The following PTCD1 variants were observed in gnomAD, a reference collection of about 807,000 sequenced individuals.
PTCD1 encodes the protein pentatricopeptide repeat-containing protein 1, mitochondrial.
PTCD1 carries 50 observed loss-of-function variants against 53.4 expected under a neutral mutation model. The observed-to-expected ratio is 0.94, with a 90% CI of 0.75 to 1.19. The LOEUF is 1.19. PTCD1 is among the 50% of genes most tolerant of loss of function. The pLI, the probability that PTCD1 is intolerant of heterozygous loss-of-function variation, is 0.00. For synonymous variants in PTCD1, 413 were observed against 394.8 expected (o/e 1.05, Z -0.55); for missense variants, 918 against 904.8 (o/e 1.01, Z -0.19).
intron 5 of PTCD1, among the ~76,000 whole-genome samples, chr7:99,427,913 C>T (rs1796117340): frequency 6.6e-6 from 1 of 151,082 alleles, no homozygotes; most frequent in African/African-American, 2.5e-5. Context: ...GCAGCATGCT[C>T]CTTAAGAGTC....
chr7:99,427,213 G>A (rs1393637066), intron 5 of PTCD1, among the ~76,000 whole-genome samples: 37 of 147,044 alleles, frequency 2.5e-4, no homozygotes, highest in Non-Finnish European at 5.1e-4. Flanking sequence ...CAGCCGCCCC[G>A]TCCGGGAGGT....
intron 1 of PTCD1, among the ~76,000 whole-genome samples, chr7:99,436,476 G>T (rs548818895): frequency 2.0e-5 from 3 of 152,280 alleles, no homozygotes; most frequent in East Asian, 3.9e-4. Context: ...TTAGCTGGGC[G>T]TGACAGCGTG....
chr7:99,423,199 C>T (rs1795894502), intron 7 of PTCD1, among the ~76,000 whole-genome samples: 1 of 152,050 alleles, frequency 6.6e-6, no homozygotes, highest in African/African-American at 2.4e-5. Flanking sequence ...TCACTGCCTG[C>T]CCAGTCCCTG....
At chr7:99,429,487 C>T (rs1796178043) in intron 4 of PTCD1, 101 bp downstream of exon 4, 5 of 1,554,702 alleles carry the variant, frequency 3.2e-6, no homozygotes, top group Middle Eastern at 1.8e-4. Flanking sequence ...TCTCATCCTC[C>T]CTAAGCCTTC....
chr7:99,432,586 G>C (rs1002321191), intron 3 of PTCD1, among the ~76,000 whole-genome samples: 2 of 152,184 alleles, frequency 1.3e-5, no homozygotes, highest in Admixed American at 6.5e-5. Flanking sequence ...CAGTGCCTGC[G>C]CAGCGCAGGT....
chr7:99,425,518 C>A lies in PTCD1; in HGVS notation c.1014G>T (p.Gln338His). The A allele has an allele frequency of 6.2e-7, 1 of 1,612,378 alleles. No individual in the cohort carries two copies. The highest frequency in any genetic ancestry group is 8.5e-7 in the Non-Finnish European group (1 of 1,179,336). ...GCTTCAGAAGCAGCTCTGAGGCCAC[C>A]TGGGGGTCCCCTAGGCCACAGTCCC... is the stretch of plus-strand genomic sequence containing the variant. ...AARDCGLGDP[Q>H]VASELLLKPR... Residue 338 changes from glutamine (Q) to histidine (H), a missense_variant, in exon 6 of 8, where the codon CAG (glutamine) becomes CAT (histidine). Gln to His is a conservative substitution (Grantham distance 24). Coordinates refer to ENST00000292478, the MANE Select transcript of PTCD1 (RefSeq NM_015545.4).
chr7:99,424,918 C>T lies in PTCD1; in HGVS notation c.1614G>A (p.Gly538=). The change falls in exon 6 of 8, where the codon GGG becomes GGA. Residue 538 remains glycine (G), a synonymous_variant. Transcript: ENST00000292478. The stretch of plus-strand genomic sequence containing the variant: ...CCAGGACCGGCAACAGCGCCTTGGC[C>T]CCCTCCAGGTCTCCCAGCTTGCTCT... ...RKKSKLGDLE[G]AKALLPVLAK... The T allele has an allele frequency of 1.2e-6, 2 of 1,614,240 alleles. No homozygotes were observed. The highest frequency in any genetic ancestry group is 1.7e-6 in the Non-Finnish European group (2 of 1,180,040).
rs766125091 is a variant in PTCD1 at position 99,425,233 on chromosome 7, T to G, written c.1299A>C (p.Pro433=). 1 of 1,611,594 alleles carries G rather than the reference T, an allele frequency of 6.2e-7. No homozygotes were observed. The highest frequency in any genetic ancestry group is 8.5e-7 in the Non-Finnish European group (1 of 1,178,302). Residue 433 remains proline (P), a synonymous_variant, in exon 6 of 8, where the codon CCA becomes CCC. Transcript: ENST00000292478. The part of the protein sequence containing the change: ...TAALTAVALK[P]PPVELEVNLL... ...GGTTGACTTCCAGCTCCACGGGAGG[T>G]GGCTTCAGGGCCACTGCGGTGAGGG...
rs777645699 is a variant in PTCD1 at position 99,424,998 on chromosome 7, C to T, written c.1534G>A (p.Asp512Asn). ...PAESLLLALLDEHQVEADLTF... is the reference protein window; with the variant it reads ...PAESLLLALLNEHQVEADLTF... ...AGGTCGGCCTCTACCTGGTGCTCATCCAGGAGGGCCAGCAGCAAGGACTCT... is the reference window on the plus strand; with the variant it reads ...AGGTCGGCCTCTACCTGGTGCTCATTCAGGAGGGCCAGCAGCAAGGACTCT... Residue 512 changes from aspartate to asparagine, a missense_variant, in exon 6 of 8, where the codon GAT becomes AAT. Coordinates refer to ENST00000292478, the MANE Select transcript of PTCD1 (RefSeq NM_015545.4). The T allele has an allele frequency of 3.7e-6, 6 of 1,614,216 alleles. No homozygotes were observed. The highest frequency in any genetic ancestry group is 1.7e-5 in the Admixed American group (1 of 60,028).
Position 99,420,020 on chromosome 7 carries a change from C to A in PTCD1, c.2050G>T (p.Asp684Tyr), listed in dbSNP as rs374030308. 3 of 1,614,214 alleles carry A rather than the reference C, an allele frequency of 1.9e-6. No homozygotes were observed. The highest frequency in any genetic ancestry group is 2.2e-5 in the East Asian group (1 of 44,888). ...TCAGCCTCCTTGCCGGTGTCCTGGT[C>A]CCCCTGGGGCTTGGTCCGGAACTTC... is the stretch of plus-strand genomic sequence containing the variant. ...WQKFRTKPQG[D>Y]QDTGKEADDG... The change falls in exon 8 of 8, where the codon GAC becomes TAC. Residue 684 changes from aspartate to tyrosine, a missense_variant. Coordinates refer to ENST00000292478, the MANE Select transcript of PTCD1 (RefSeq NM_015545.4).
At chr7:99,434,308 T>C (rs1345371378) in intron 2 of PTCD1, among the ~76,000 whole-genome samples, 1 of 151,854 alleles carries the variant, frequency 6.6e-6, no homozygotes, top group Non-Finnish European at 1.5e-5. Context: ...TGGCCAGGTG[T>C]GGTGGCACAT....
chr7:99,434,850 G>A lies in PTCD1; in HGVS notation c.393C>T (p.Gly131=). 1 of 1,614,140 alleles carries A rather than the reference G, an allele frequency of 6.2e-7. No individual in the cohort carries two copies. The highest frequency in any genetic ancestry group is 8.5e-7 in the Non-Finnish European group (1 of 1,180,030). Residue 131 remains glycine (G), a synonymous_variant, in exon 2 of 8, where the codon GGC becomes GGT. Coordinates refer to ENST00000292478, the MANE Select transcript of PTCD1 (RefSeq NM_015545.4). ...QMEPEPKLWR[G]RRNTPYWYFL... is the part of the protein sequence containing the mutation. Reference sequence around the variant, plus strand: ...AGTACCAGTACGGGGTGTTTCTCCGGCCTCGCCATAATTTGGGCTCCGGTT... The same window carrying A: ...AGTACCAGTACGGGGTGTTTCTCCGACCTCGCCATAATTTGGGCTCCGGTT...
chr7:99,434,681 C>G, intron 2 of PTCD1, 109 bp downstream of exon 2: 1 of 1,407,058 alleles, frequency 7.1e-7, no homozygotes, highest in Non-Finnish European at 1.0e-6. Flanking sequence ...GGCAGTTCAA[C>G]AGGGTAGGCC....
At chr7:99,422,267 G>T (rs147613971) in intron 7 of PTCD1, among the ~76,000 whole-genome samples, 2 of 152,284 alleles carry the variant, frequency 1.3e-5, no homozygotes, top group African/African-American at 4.8e-5. Flanking sequence ...ACACCTGCAC[G>T]GCGTTCCTGA....
intron 7 of PTCD1, among the ~76,000 whole-genome samples, chr7:99,420,694 C>T (rs960356934): frequency 2.6e-4 from 39 of 152,226 alleles, no homozygotes; most frequent in African/African-American, 9.4e-4. Flanking sequence ...CGGTGGCTCA[C>T]GTCTGTAATC....
At chr7:99,433,545 C>G (rs774175230) in intron 2 of PTCD1, 127 bp from the exon 3 acceptor site, 8 of 1,556,138 alleles carry the variant, frequency 5.1e-6, no homozygotes, top group Non-Finnish European at 6.9e-6. Flanking sequence ...TGACTGCAAA[C>G]CCCCTGGGCC....
At chr7:99,426,093 C>T (rs2150950980) in intron 5 of PTCD1, among the ~76,000 whole-genome samples, 1 of 151,454 alleles carries the variant, frequency 6.6e-6, no homozygotes, top group African/African-American at 2.4e-5. Context: ...AAAAAATTGG[C>T]CGGGCCTCTC....
rs1795983644 is a variant in PTCD1, at chr7:99,425,611, C to T, written c.921G>A (p.Trp307Ter). The change falls in exon 6 of 8, where the codon TGG (tryptophan) becomes TGA (stop). Residue 307 changes from tryptophan (W) to a stop codon, truncating the protein, a stop_gained. Coordinates refer to ENST00000292478, the MANE Select transcript of PTCD1 (RefSeq NM_015545.4). LOFTEE classifies it high-confidence loss of function. ...GTAGCCCTAGACTCAGCATCAGCCG[C>T]CACACCTGCCACGGAAGAGACAAAC... ...KTGFRYALQV[W>*]RLMLSLGLQP... The T allele has an allele frequency of 1.2e-6, 2 of 1,606,748 alleles. No homozygotes were observed. The highest frequency in any genetic ancestry group is 1.9e-4 in the Middle Eastern group (1 of 5,264).
chr7:99,423,679 A>C (rs1795911783), intron 7 of PTCD1, 96 bp downstream of exon 7: 1 of 1,597,752 alleles, frequency 6.3e-7, no homozygotes, highest in South Asian at 1.1e-5. Context: ...CAAGCATGGC[A>C]ACACAATCCC....
Sources: gnomAD v4.1 joint callset for allele counts (sites outside exome capture counted in the v4.1 genomes callset) on GRCh38, gnomAD v4.1.1 for gene constraint, MANE v1.5 for transcripts, NCBI Gene and HGNC (gene_info 2026-07-23, HGNC 2026-07-21) for gene names.